KCTD2: variants seen among roughly 807,000 people sequenced by gnomAD.
KCTD2 encodes BTB/POZ domain-containing protein KCTD2.
KCTD2 carries 18 observed loss-of-function variants against 27.9 expected under a neutral mutation model. That is an observed-to-expected ratio of 0.64 (90% confidence interval 0.45 to 0.96). The LOEUF (loss-of-function observed/expected upper bound fraction) is 0.96, where lower values mean the gene tolerates loss of function less well. Among genes scored for constraint, KCTD2 ranks in the 40% least tolerant of loss-of-function variants. The pLI, the probability that KCTD2 is intolerant of heterozygous loss-of-function variation, is 0.00. For synonymous variants in KCTD2, 175 were observed against 148.4 expected, an observed-to-expected ratio of 1.18 and a Z score of -1.30; for missense variants, 280 against 348.0, an observed-to-expected ratio of 0.80 and a Z score of 1.56.
chr17:75,050,180 T>C (rs969693792), intron 2 of KCTD2, among the ~76,000 whole-genome samples: 25 of 152,356 alleles, frequency 1.6e-4, no homozygotes, highest in Admixed American at 1.4e-3. Flanking sequence ...CTATCCAGCT[T>C]CAACAATTAC....
chr17:75,048,350 C>T (rs905850908), intron 1 of KCTD2, among the ~76,000 whole-genome samples: 16 of 152,118 alleles, frequency 1.1e-4, no homozygotes, highest in African/African-American at 3.9e-4. Flanking sequence ...TACGTATTCA[C>T]CTTTAAGTTC....
chr17:75,036,093 A>G (rs1241075100), intron 3 of KCTD2: 1 of 453,110 alleles, frequency 2.2e-6, no homozygotes, highest in South Asian at 1.6e-5. Flanking sequence ...TCGCTCTGTC[A>G]CCCAGGGTGG....
chr17:75,040,095 T>A lies in KCTD2; in HGVS notation c.-259+4738T>A, dbSNP rs780869210. ...AGCAGGAGCCTCAACTACTTACATC[T>A]TCTTTTTCTTCGGCATCCACCTGGG... is the stretch of plus-strand genomic sequence containing the variant. On this transcript the variant is annotated intron_variant, in intron 3 of 7. Coordinates refer to the KCTD2 transcript ENST00000581589. 10 of 1,613,542 alleles carry A rather than the reference T, an allele frequency of 6.2e-6. No homozygotes were observed. In the South Asian group the frequency reaches 9.9e-5, roughly 16 times the overall value.
chr17:75,036,725 G>C (rs2040116644), intron 3 of KCTD2, among the ~76,000 whole-genome samples: 1 of 152,188 alleles, frequency 6.6e-6, no homozygotes, highest in Non-Finnish European at 1.5e-5. Context: ...GCTTTCACTT[G>C]GCTGTCGTCT....
chr17:75,056,437 G>C (rs2073351200), intron 3 of KCTD2, among the ~76,000 whole-genome samples: 1 of 152,212 alleles, frequency 6.6e-6, no homozygotes, highest in Non-Finnish European at 1.5e-5. Context: ...AATGATTCAA[G>C]TCATGGTACC....
chr17:75,054,827 G>A (rs139684261), intron 3 of KCTD2, among the ~76,000 whole-genome samples: 344 of 151,244 alleles, frequency 2.3e-3, no homozygotes, highest in African/African-American at 8.1e-3. Flanking sequence ...AAAAAAAGAA[G>A]CTTGAAGTAT....
intron 4 of KCTD2, among the ~76,000 whole-genome samples, chr17:75,061,356 A>G (rs1312971656): frequency 6.6e-6 from 1 of 152,214 alleles, no homozygotes; most frequent in Non-Finnish European, 1.5e-5. Context: ...GGTTAAAAGT[A>G]CCAGCATGCT....
chr17:75,058,497 C>A (rs1022465964), intron 3 of KCTD2, among the ~76,000 whole-genome samples: 32 of 149,824 alleles, frequency 2.1e-4, no homozygotes, highest in Non-Finnish European at 4.0e-4. Flanking sequence ...GAGCGAGACT[C>A]CATCTCAAAA....
In KCTD2 at chr17:75,039,217, C is replaced by T. The variant is rs749620539; in HGVS notation, c.-259+3860C>T. 4 of 1,614,096 alleles carry T rather than the reference C, an allele frequency of 2.5e-6. No homozygotes were observed. The Admixed American group carries it at 6.7e-5, about 27-fold the overall frequency. On this transcript the variant is annotated intron_variant, in intron 3 of 7. Transcript: ENST00000581589. ...CTACCCATCATCCTTACCTCTTTCT[C>T]ATATTCTACAATCCTGGCCTTTGAG...
intron 3 of KCTD2, 154 bp from the exon 4 acceptor site, chr17:75,059,356 G>A: frequency 2.1e-6 from 1 of 469,658 alleles, no homozygotes; most frequent in Admixed American, 3.7e-5. Flanking sequence ...AAACGCCACA[G>A]TACTATTTGT....
rs2073423549 is a variant in KCTD2 at position 75,063,342 on chromosome 17, T to G, written c.*295T>G. ...CTGGGCTGGGTTCCCAGTCGGAGCCTTTCGGGGATCTGGGGGATGAGGGCG... is the reference window on the plus strand; with the variant it reads ...CTGGGCTGGGTTCCCAGTCGGAGCCGTTCGGGGATCTGGGGGATGAGGGCG... On this transcript the variant is annotated 3_prime_UTR_variant, in exon 6 of 6. Coordinates refer to ENST00000322444, the MANE Select transcript of KCTD2 (RefSeq NM_015353.3). 2 of 435,164 alleles carry G rather than the reference T, an allele frequency of 4.6e-6. No individual in the cohort carries two copies. The highest frequency in any genetic ancestry group is 5.6e-5 in the South Asian group (2 of 35,954). The allele number at this position is 435,164 out of a possible 1,614,324, so 27.0% of individuals were successfully genotyped here. A position where few individuals can be genotyped will look rare whatever the true frequency, so the allele number is the denominator to read the frequency against.
intron 3 of KCTD2, 112 bp downstream of exon 3, chr17:75,053,217 C>A: frequency 1.2e-6 from 1 of 811,074 alleles, no homozygotes; most frequent in South Asian, 1.5e-5. Flanking sequence ...GTGTGGAACA[C>A]CGTTTGCAGT....
intron 3 of KCTD2, chr17:75,039,433 GCTTTT>G: frequency 1.6e-6 from 1 of 622,440 alleles, no homozygotes; most frequent in African/African-American, 1.8e-5. Context: ...GCAAACCACA[GCTTTT>G]CTTAACACTC....
Position 75,063,992 on chromosome 17 carries a change from G to A in KCTD2, c.*945G>A, listed in dbSNP as rs530312146. On this transcript the variant is annotated 3_prime_UTR_variant, in exon 6 of 6. Transcript: ENST00000322444. ...CAAATGTGTTATGTTGTGTCTCAGA[G>A]AGAGTTATTTCTGTGACTCTCTTGG... is the stretch of plus-strand genomic sequence containing the variant. 3.5e-4 allele frequency: 53 copies of A among 152,848 alleles called. No individual in the cohort carries two copies. Among genetic ancestry groups the A allele is most frequent in the African/African-American group, 1.3e-3 (52 of 41,582 alleles). The allele number at this position is 152,848 out of a possible 1,614,324, so 9.5% of individuals were successfully genotyped here. A position where few individuals can be genotyped will look rare whatever the true frequency, so the allele number is the denominator to read the frequency against.
upstream of KCTD2, among the ~76,000 whole-genome samples, chr17:75,046,315 C>G (rs1240595813): frequency 6.6e-6 from 1 of 152,226 alleles, no homozygotes; most frequent in East Asian, 1.9e-4. Context: ...AACTCCTGAC[C>G]TCGCGATTCG....
At position 75,064,157 on chromosome 17, in the gene KCTD2, C is replaced by T. The variant is rs1168015936; in HGVS notation, c.*1110C>T. 5 of 152,852 alleles carry T rather than the reference C, an allele frequency of 3.3e-5. No homozygotes were observed. Among genetic ancestry groups the T allele is most frequent in the Non-Finnish European group, 4.4e-5 (3 of 68,242 alleles). 9.5% of individuals were successfully genotyped at this position (152,852 alleles called of 1,614,324 possible). On this transcript the variant is annotated 3_prime_UTR_variant, in exon 6 of 6. Coordinates refer to ENST00000322444, the MANE Select transcript of KCTD2 (RefSeq NM_015353.3). Reference sequence around the variant, plus strand: ...ACCCCCTGTGTCTCTGACCACCCCCCTGACCCCCGCCATTACTTTCTTTTC... The same window carrying T: ...ACCCCCTGTGTCTCTGACCACCCCCTTGACCCCCGCCATTACTTTCTTTTC...
In KCTD2 at chr17:75,047,264, A is replaced by G; in HGVS notation, c.14A>G (p.Gln5Arg). The G allele has an allele frequency of 1.1e-6, 1 of 899,986 alleles. No homozygotes were observed. The highest frequency in any genetic ancestry group is 1.4e-6 in the Non-Finnish European group (1 of 734,258). 55.8% of individuals were successfully genotyped at this position (899,986 alleles called of 1,614,324 possible). ...CGGCGGTCCAAGATGGCGGAACTGC[A>G]GCTGGACCCGGCGATGGCGGGGCTG... is the stretch of plus-strand genomic sequence containing the variant. MAEL[Q>R]LDPAMAGLGG... is the part of the protein sequence containing the mutation. Residue 5 changes from glutamine to arginine, a missense_variant, in exon 1 of 6, where the codon CAG becomes CGG. Transcript: ENST00000322444.
chr17:75,034,452 CCA>C (rs2040094462), intron 2 of KCTD2, among the ~76,000 whole-genome samples: 1 of 152,200 alleles, frequency 6.6e-6, no homozygotes, highest in Non-Finnish European at 1.5e-5. Context: ...GGACTCGAAC[CCA>C]CAATCCCTGG....
upstream of KCTD2, chr17:75,042,526 G>A (rs768434668): frequency 1.2e-6 from 2 of 1,611,076 alleles, no homozygotes; most frequent in South Asian, 1.1e-5. Context: ...GAAACATACT[G>A]ACCTGGAGGT....
Sources: gnomAD v4.1 joint callset for allele counts (sites outside exome capture counted in the v4.1 genomes callset) on GRCh38, gnomAD v4.1.1 for gene constraint, MANE v1.5 for transcripts, NCBI Gene and HGNC (gene_info 2026-07-23, HGNC 2026-07-21) for gene names.